EIF3L: variants seen among roughly 807,000 people sequenced by gnomAD.
EIF3L encodes eIEF associated protein HSPC021.
EIF3L carries 32 observed loss-of-function variants against 74.6 expected under a neutral mutation model. The observed-to-expected ratio is 0.43, with a 90% CI of 0.32 to 0.58. EIF3L has a LOEUF of 0.58. Among genes scored for constraint, EIF3L ranks in the 20% least tolerant of loss-of-function variants. EIF3L has a pLI of 0.06. For synonymous variants in EIF3L, 256 were observed against 254.4 expected (o/e 1.01, Z -0.06); for missense variants, 474 against 707.8 (o/e 0.67, Z 3.75).
At chr22:37,866,770 A>C (rs1206495311) in intron 7 of EIF3L, among the ~76,000 whole-genome samples, 1 of 152,106 alleles carries the variant, frequency 6.6e-6, no homozygotes, top group Non-Finnish European at 1.5e-5. Context: ...TGGGTGACAA[A>C]GCAAGACTCT....
At chr22:37,864,006 A>T (rs1054609172) in intron 7 of EIF3L, among the ~76,000 whole-genome samples, 3 of 152,002 alleles carry the variant, frequency 2.0e-5, no homozygotes, top group African/African-American at 7.2e-5. Context: ...CGGAGCTTGC[A>T]GTGAGCCAAG....
intron 4 of EIF3L, among the ~76,000 whole-genome samples, chr22:37,858,191 C>T (rs1020448996): frequency 4.1e-5 from 6 of 145,862 alleles, no homozygotes; most frequent in Admixed American, 2.1e-4. Context: ...AAACAAACAA[C>T]ATTCTGAAAT....
intron 2 of EIF3L, 82 bp downstream of exon 2, chr22:37,850,145 C>A: frequency 6.6e-7 from 1 of 1,519,638 alleles, no homozygotes; most frequent in Non-Finnish European, 9.1e-7. Context: ...TGACAGGCAT[C>A]AAAAATTGCT....
intron 1 of EIF3L, 193 bp from the exon 2 acceptor site, chr22:37,849,822 G>A: frequency 3.1e-6 from 2 of 640,070 alleles, no homozygotes; most frequent in Non-Finnish European, 5.5e-6. Flanking sequence ...CCACCTCATT[G>A]CACCCGTAAT....
At position 37,849,866 on chromosome 22, in the gene EIF3L, T is replaced by C. The variant is rs962218921; in HGVS notation, c.34-149T>C. 4.6e-5 allele frequency: 37 copies of C among 804,780 alleles called. No individual in the cohort carries two copies. The Admixed American group carries it at 7.5e-4, about 16-fold the overall frequency. 49.9% of individuals were successfully genotyped at this position (804,780 alleles called of 1,614,324 possible). ...GTCATTGTCTGTTTACTGTCCCTTTTCTCTAAGGCGTGTGAGTTCCTCAAA... is the reference window on the plus strand; with the variant it reads ...GTCATTGTCTGTTTACTGTCCCTTTCCTCTAAGGCGTGTGAGTTCCTCAAA... On this transcript the variant is annotated intron_variant, in intron 1 of 12. Transcript: ENST00000652021.
chr22:37,855,765 T>G (rs1220627763), intron 4 of EIF3L, 121 bp downstream of exon 4: 1 of 775,638 alleles, frequency 1.3e-6, no homozygotes, highest in Non-Finnish European at 2.1e-6. Flanking sequence ...TGGTGCTTGG[T>G]ATGTAGTAGG....
At position 37,878,037 on chromosome 22, in the gene EIF3L, C is replaced by T; in HGVS notation, c.1441C>T (p.Leu481Phe). ...PVAKLAGFLDLTEQEFRIQLL... is the reference protein window; with the variant it reads ...PVAKLAGFLDFTEQEFRIQLL... ...GGCCAAGCTGGCTGGCTTCCTGGACCTCACAGAGCAGGAGTTCCGGATCCA... is the reference window on the plus strand; with the variant it reads ...GGCCAAGCTGGCTGGCTTCCTGGACTTCACAGAGCAGGAGTTCCGGATCCA... Residue 481 changes from leucine to phenylalanine, a missense_variant, in exon 11 of 13, where the codon CTC (leucine) becomes TTC (phenylalanine). Physicochemically the swap from Leu to Phe is conservative, Grantham distance 22. Around this residue, in one of 4 missense-constraint regions of EIF3L, gnomAD observed 293 missense variants for 469.1 expected, o/e 0.62. Transcript: ENST00000652021. 6.2e-7 allele frequency: 1 copy of T among 1,614,046 alleles called. No individual in the cohort carries two copies.
chr22:37,851,350 G>C lies in EIF3L; in HGVS notation c.153G>C (p.Val51=). The part of the protein sequence containing the change: ...EQQTYQVIPE[V]IKNFIQYFHK... ...AAACCTATCAGGTGATCCCTGAGGT[G>C]ATCAAAAACTTCATCCAGTATTTCC... is the stretch of plus-strand genomic sequence containing the variant. The change falls in exon 3 of 13, where the codon GTG becomes GTC. Residue 51 remains valine, a synonymous_variant. Transcript: ENST00000652021. 1.2e-6 allele frequency: 2 copies of C among 1,614,156 alleles called. No individual in the cohort carries two copies. The highest frequency in any genetic ancestry group is 1.7e-6 in the Non-Finnish European group (2 of 1,180,028).
chr22:37,871,871 G>GAAAA (rs1569118913), intron 8 of EIF3L, among the ~76,000 whole-genome samples: 4 of 111,566 alleles, frequency 3.6e-5, no homozygotes, highest in African/African-American at 9.7e-5. Context: ...TCTGTCTCGG[G>GAAAA]GAAAAAAAAA....
At chr22:37,874,286 A>G in intron 8 of EIF3L, 84 bp from the exon 9 acceptor site, 1 of 1,397,450 alleles carries the variant, frequency 7.2e-7, no homozygotes, top group Non-Finnish European at 9.7e-7. Flanking sequence ...AGTAGGTGAG[A>G]TGCCTACTGA....
intron 11 of EIF3L, chr22:37,884,119 C>G (rs1439905732): frequency 6.6e-6 from 1 of 152,160 alleles, no homozygotes; most frequent in Non-Finnish European, 1.5e-5. Context: ...CTGCTTTGGT[C>G]TCTCTGCATT....
At chr22:37,875,674 A>G (rs1201787959) in intron 9 of EIF3L, among the ~76,000 whole-genome samples, 167 bp from the exon 10 acceptor site, 1 of 152,152 alleles carries the variant, frequency 6.6e-6, no homozygotes, top group Non-Finnish European at 1.5e-5. Flanking sequence ...TCCTCAAAAC[A>G]TACAACTTAA....
At chr22:37,869,581 G>A (rs545119577) in intron 7 of EIF3L, among the ~76,000 whole-genome samples, 77 of 152,298 alleles carry the variant, frequency 5.1e-4, no homozygotes, top group Admixed American at 1.4e-3. Context: ...GCTGGAGCCA[G>A]GCCAGGAGTG....
chr22:37,862,627 T>A (rs1403588264), intron 5 of EIF3L, among the ~76,000 whole-genome samples: 1 of 152,224 alleles, frequency 6.6e-6, no homozygotes, highest in East Asian at 1.9e-4. Context: ...TATCTTCTCT[T>A]AACTCCCTAG....
chr22:37,853,929 G>A (rs1925361110), intron 3 of EIF3L, among the ~76,000 whole-genome samples: 1 of 152,180 alleles, frequency 6.6e-6, no homozygotes, highest in Non-Finnish European at 1.5e-5. Flanking sequence ...TTAAGTGTTG[G>A]TTTTTAAACT....
intron 3 of EIF3L, among the ~76,000 whole-genome samples, chr22:37,854,105 C>T (rs1332375732): frequency 6.6e-6 from 1 of 152,076 alleles, no homozygotes; most frequent in East Asian, 1.9e-4. Flanking sequence ...ATGCTGGTGC[C>T]TTAAGAAGTA....
chr22:37,855,715 A>G, intron 4 of EIF3L, 71 bp downstream of exon 4: 1 of 1,333,734 alleles, frequency 7.5e-7, no homozygotes, highest in East Asian at 2.3e-5. Flanking sequence ...CAGGAAGCTC[A>G]AGAGGGTCTG....
intron 10 of EIF3L, 191 bp from the exon 11 acceptor site, chr22:37,877,483 T>G: frequency 1.6e-6 from 1 of 632,390 alleles, no homozygotes; most frequent in Non-Finnish European, 2.6e-6. Flanking sequence ...CTAAGGAGGA[T>G]CTGGAGCTAG....
chr22:37,873,405 T>A (rs1480018488), intron 8 of EIF3L, among the ~76,000 whole-genome samples: 3 of 148,620 alleles, frequency 2.0e-5, no homozygotes, highest in Non-Finnish European at 4.5e-5. Flanking sequence ...TTCATGCCAT[T>A]CTCCTGCCTC....
Sources: allele counts gnomAD v4.1 joint callset (sites outside exome capture counted in the v4.1 genomes callset), GRCh38; gene constraint gnomAD v4.1.1; regional missense constraint gnomAD v4.1.1; transcripts MANE v1.5; gene names NCBI Gene and HGNC (gene_info 2026-07-23, HGNC 2026-07-21).